The following IGF2BP3 variants were observed in gnomAD, a reference collection of about 807,000 sequenced individuals.
The protein encoded by IGF2BP3 is insulin like growth factor 2 mRNA binding protein 3.
Under a neutral mutation model 73.8 loss-of-function variants are expected in IGF2BP3, and 9 were observed. The ratio of observed to expected loss-of-function variants is 0.12; its 90% CI spans 0.07 to 0.21. IGF2BP3 has a LOEUF of 0.21. IGF2BP3 is among the 10% of genes least tolerant of loss of function. The pLI, the probability that IGF2BP3 is intolerant of heterozygous loss-of-function variation, is 1.00. For synonymous variants in IGF2BP3, 258 were observed against 256.7 expected (o/e 1.01, Z -0.05); for missense variants, 542 against 714.0 (o/e 0.76, Z 2.75).
chr7:23,453,250 CAAG>C (rs995024034), intron 2 of IGF2BP3, among the ~76,000 whole-genome samples: 3 of 152,106 alleles, frequency 2.0e-5, no homozygotes, highest in East Asian at 1.9e-4. Context: ...CACTTTTAAA[CAAG>C]AAGAAAAAAG....
chr7:23,418,854 GA>G (rs748667167), intron 2 of IGF2BP3, 30 bp from the exon 3 acceptor site: 3 of 1,457,638 alleles, frequency 2.1e-6, no homozygotes, highest in African/African-American at 1.4e-5. Flanking sequence ...TTTTTTAAAA[GA>G]AAAAAACATA....
At chr7:23,412,183 A>T (rs540740961) in intron 3 of IGF2BP3, among the ~76,000 whole-genome samples, 1 of 151,984 alleles carries the variant, frequency 6.6e-6, no homozygotes, top group East Asian at 1.9e-4. Context: ...GGGTTTTGCC[A>T]TGTTGGCCAG....
At chr7:23,331,362 G>T (rs1004726012) in intron 10 of IGF2BP3, among the ~76,000 whole-genome samples, 2 of 152,152 alleles carry the variant, frequency 1.3e-5, no homozygotes, top group Non-Finnish European at 1.5e-5. Context: ...GTGAAAAATG[G>T]AAAACTGAAC....
chr7:23,424,096 C>T (rs749948272), intron 2 of IGF2BP3, among the ~76,000 whole-genome samples: 24 of 152,012 alleles, frequency 1.6e-4, no homozygotes, highest in Non-Finnish European at 3.1e-4. Context: ...CCAGCCTAGG[C>T]GACAGAGTGA....
chr7:23,393,071 C>T lies in IGF2BP3; in HGVS notation c.285+25705G>A, dbSNP rs140130907. 1.7e-4 allele frequency among the ~76,000 whole-genome samples: 26 copies of T among 152,290 alleles called. No homozygotes were observed. In the East Asian group the frequency reaches 3.3e-3, roughly 19 times the overall value. ...GGGGACACTCAGCAAGTCTCATTAGCGTCCTTGGAATTAACCCACCTTTGC... is the reference window on the plus strand; with the variant it reads ...GGGGACACTCAGCAAGTCTCATTAGTGTCCTTGGAATTAACCCACCTTTGC... On this transcript the variant is annotated intron_variant, in intron 3 of 14. Coordinates refer to ENST00000258729, the MANE Select transcript of IGF2BP3 (RefSeq NM_006547.3).
In IGF2BP3 at chr7:23,428,129, T is replaced by C. The variant is rs1377640540; in HGVS notation, c.237-9305A>G. 2.6e-5 allele frequency among the ~76,000 whole-genome samples: 4 copies of C among 151,958 alleles called. No homozygotes were observed. The East Asian group carries it at 7.8e-4, about 29-fold the overall frequency. ...AGGTGGAGGCTGCAGTGAGCCAAGA[T>C]CATGCCACTGCACTCCCGCCTTAAG... On this transcript the variant is annotated intron_variant, in intron 2 of 14. Coordinates refer to ENST00000258729, the MANE Select transcript of IGF2BP3 (RefSeq NM_006547.3).
At chr7:23,460,165 C>A (rs142038438) in intron 2 of IGF2BP3, among the ~76,000 whole-genome samples, 2 of 125,102 alleles carry the variant, frequency 1.6e-5, no homozygotes, top group African/African-American at 6.4e-5. Flanking sequence ...GGCAACCGTG[C>A]GAGACCCTGC....
intron 3 of IGF2BP3, among the ~76,000 whole-genome samples, chr7:23,362,237 C>A (rs1421867699): frequency 1.7e-5 from 2 of 117,140 alleles, no homozygotes; most frequent in African/African-American, 1.4e-4. Context: ...CATAGTGAGA[C>A]CCCCCATCTC....
At chr7:23,357,603 G>A (rs1300516567) in intron 5 of IGF2BP3, among the ~76,000 whole-genome samples, 1 of 152,128 alleles carries the variant, frequency 6.6e-6, no homozygotes. Context: ...GAAGGAAATA[G>A]GTGAGCCTCT....
chr7:23,353,148 T>C (rs982628641), intron 5 of IGF2BP3, among the ~76,000 whole-genome samples: 4 of 152,206 alleles, frequency 2.6e-5, no homozygotes, highest in African/African-American at 9.7e-5. Flanking sequence ...TCTGTTCCAA[T>C]GGCCCTGAGT....
chr7:23,422,383 A>C (rs1026589061), intron 2 of IGF2BP3, among the ~76,000 whole-genome samples: 3 of 152,120 alleles, frequency 2.0e-5, no homozygotes, highest in Non-Finnish European at 4.4e-5. Context: ...AGGTGGGAGG[A>C]GTGCTTAAGG....
At chr7:23,341,080 C>A (rs1484751597) in intron 10 of IGF2BP3, among the ~76,000 whole-genome samples, 1 of 152,004 alleles carries the variant, frequency 6.6e-6, no homozygotes. Context: ...GAACTCCTGA[C>A]CTCGGGTGAT....
At position 23,341,983 on chromosome 7, in the gene IGF2BP3, C is replaced by T. The variant is rs752209150; in HGVS notation, c.1203+81G>A. ...AGAACTGGAGAGCATATGTTGGCATCTAAACAGATGATCACGCGGGGACTA... is the reference window on the plus strand; with the variant it reads ...AGAACTGGAGAGCATATGTTGGCATTTAAACAGATGATCACGCGGGGACTA... On this transcript the variant is annotated intron_variant, in intron 10 of 14. Transcript: ENST00000258729. The T allele has an allele frequency of 4.5e-5, 63 of 1,406,606 alleles. No individual in the cohort carries two copies. The South Asian group carries it at 6.1e-4, about 14-fold the overall frequency. The allele number at this position is 1,406,606 out of a possible 1,614,324, so 87.1% of individuals were successfully genotyped here.
In IGF2BP3 at chr7:23,350,359, C is replaced by T. The variant is rs1784929013; in HGVS notation, c.683+946G>A. On this transcript the variant is annotated intron_variant, in intron 6 of 14. Coordinates refer to ENST00000258729, the MANE Select transcript of IGF2BP3 (RefSeq NM_006547.3). Reference sequence around the variant, plus strand: ...TGCCACTTCTGTAGCTGGCTCAAGGCTTGCACAATGGTATTTTTGGATACA... The same window carrying T: ...TGCCACTTCTGTAGCTGGCTCAAGGTTTGCACAATGGTATTTTTGGATACA... 5.9e-5 allele frequency among the ~76,000 whole-genome samples: 9 copies of T among 152,320 alleles called. No individual in the cohort carries two copies. The South Asian group carries it at 1.7e-3, about 28-fold the overall frequency.
chr7:23,316,513 T>C (rs1371517795), intron 12 of IGF2BP3, among the ~76,000 whole-genome samples: 1 of 151,764 alleles, frequency 6.6e-6, no homozygotes, highest in Non-Finnish European at 1.5e-5. Flanking sequence ...ACCCCATCTC[T>C]ACTAAAAATA....
chr7:23,460,350 A>T (rs1309228434), intron 2 of IGF2BP3, among the ~76,000 whole-genome samples: 3 of 151,988 alleles, frequency 2.0e-5, no homozygotes, highest in Non-Finnish European at 4.4e-5. Flanking sequence ...TAACATGGTG[A>T]AACCCTGTCT....
At chr7:23,341,412 C>A (rs985795759) in intron 10 of IGF2BP3, among the ~76,000 whole-genome samples, 41 of 152,136 alleles carry the variant, frequency 2.7e-4, no homozygotes, top group African/African-American at 9.4e-4. Flanking sequence ...ACGCCTATAA[C>A]CCCAGCACTT....
In IGF2BP3 at chr7:23,382,894, C is replaced by CAAAA. The variant is rs57466793; in HGVS notation, c.286-21157_286-21154dup. 5.2e-3 allele frequency among the ~76,000 whole-genome samples: 256 copies of CAAAA among 49,068 alleles called. 5 individuals are homozygous for CAAAA. Among genetic ancestry groups the CAAAA allele is most frequent in the Middle Eastern group, 0.023 (1 of 44 alleles). The allele number at this position is 49,068 out of a possible 152,430, so 32.2% of individuals were successfully genotyped here. A position where few individuals can be genotyped will look rare whatever the true frequency, so the allele number is the denominator to read the frequency against. ...GCAATACAGAAAAACCTAGCTCTACCAAAAAAAAAAAAAAAAAAAAAAAAA... is the reference window on the plus strand; with the variant it reads ...GCAATACAGAAAAACCTAGCTCTACCAAAAAAAAAAAAAAAAAAAAAAAAAAAAA... On this transcript the variant is annotated intron_variant, in intron 3 of 14. Transcript: ENST00000258729.
In IGF2BP3 at chr7:23,312,443, A is replaced by T. The variant is rs1316477073; in HGVS notation, c.1659T>A (p.Ile553=). 2 of 1,613,732 alleles carry T rather than the reference A, an allele frequency of 1.2e-6. No individual in the cohort carries two copies. Among genetic ancestry groups the T allele is most frequent in the African/African-American group, 2.7e-5 (2 of 74,896 alleles). The stretch of plus-strand genomic sequence containing the variant: ...GCTTTACCTGAGTCAGAATTTCCTG[A>T]ATTTTTCTCTGGGCAACCTAGAAAA... ...FYACQVAQRK[I]QEILTQVKQH... is the part of the protein sequence containing the mutation. The change falls in exon 15 of 15, where the codon ATT becomes ATA. Residue 553 remains isoleucine (I), a synonymous_variant. Coordinates refer to ENST00000258729, the MANE Select transcript of IGF2BP3 (RefSeq NM_006547.3).
Sources: allele counts gnomAD v4.1 joint callset (sites outside exome capture counted in the v4.1 genomes callset), GRCh38; gene constraint gnomAD v4.1.1; transcripts MANE v1.5; gene names NCBI Gene and HGNC (gene_info 2026-07-23, HGNC 2026-07-21).